PXDNL: variants seen among roughly 807,000 people sequenced by gnomAD.
PXDNL encodes probable oxidoreductase PXDNL.
PXDNL carries 145 observed loss-of-function variants against 150.8 expected under a neutral mutation model. That is an observed-to-expected ratio of 0.96 (90% confidence interval 0.84 to 1.10). The LOEUF (loss-of-function observed/expected upper bound fraction) is 1.10. Ranked by LOEUF, PXDNL falls within the 50% of genes least tolerant of loss-of-function variation. The probability of loss-of-function intolerance (pLI) is 0.00; values close to 1 mark genes in which losing one functional copy is unlikely to be tolerated. For synonymous variants in PXDNL, 757 were observed against 725.7 expected (o/e 1.04, Z -0.69); for missense variants, 2,087 against 1,873.9 (o/e 1.11, Z -2.10).
At chr8:51,801,216 T>A (rs2037616082) in intron 1 of PXDNL, among the ~76,000 whole-genome samples, 1 of 152,062 alleles carries the variant, frequency 6.6e-6, no homozygotes, top group Non-Finnish European at 1.5e-5. Flanking sequence ...AGGACTGAAA[T>A]ACGCCCTGGT....
chr8:51,331,264 G>GT (rs1293364997), intron 21 of PXDNL, among the ~76,000 whole-genome samples: 2 of 152,302 alleles, frequency 1.3e-5, no homozygotes, highest in East Asian at 3.9e-4. Flanking sequence ...CTGGAGCTGA[G>GT]TTGAGTTAGA....
intron 1 of PXDNL, among the ~76,000 whole-genome samples, chr8:51,682,584 C>A (rs1042966906): frequency 6.6e-6 from 1 of 152,170 alleles, no homozygotes; most frequent in African/African-American, 2.4e-5. Flanking sequence ...CAGCCTCATG[C>A]CACTTATTCT....
intron 1 of PXDNL, among the ~76,000 whole-genome samples, chr8:51,765,558 A>T (rs2037219292): frequency 6.6e-6 from 1 of 152,182 alleles, no homozygotes; most frequent in Non-Finnish European, 1.5e-5. Flanking sequence ...TCATTAATAC[A>T]ATATAGTTGG....
intron 17 of PXDNL, among the ~76,000 whole-genome samples, chr8:51,405,708 A>G (rs1808417703): frequency 6.6e-6 from 1 of 152,354 alleles, no homozygotes; most frequent in East Asian, 1.9e-4. Flanking sequence ...TATATGTTTC[A>G]TATTTTACAA....
chr8:51,326,610 A>C (rs1043232774), intron 21 of PXDNL, among the ~76,000 whole-genome samples: 2 of 152,254 alleles, frequency 1.3e-5, no homozygotes, highest in African/African-American at 4.8e-5. Flanking sequence ...TACTTAATTT[A>C]TTCAAACTAT....
chr8:51,356,031 T>C lies in PXDNL; in HGVS notation c.3902-10084A>G, dbSNP rs191228602. Among the ~76,000 whole-genome samples, 5 of 152,352 alleles carry C rather than the reference T, an allele frequency of 3.3e-5. 1 individual carries two copies. The highest frequency in any genetic ancestry group is 3.3e-4 in the Admixed American group (5 of 15,296). Reference sequence around the variant, plus strand: ...GTGGGGTGAGGAAAACAAATGGACTTGGCAATGGGGAGTCTGAGCTCTATC... The same window carrying C: ...GTGGGGTGAGGAAAACAAATGGACTCGGCAATGGGGAGTCTGAGCTCTATC... On this transcript the variant is annotated intron_variant, in intron 19 of 22. Coordinates refer to ENST00000356297, the MANE Select transcript of PXDNL (RefSeq NM_144651.5).
At chr8:51,676,629 T>A (rs1323302652) in intron 1 of PXDNL, among the ~76,000 whole-genome samples, 1 of 152,202 alleles carries the variant, frequency 6.6e-6, no homozygotes, top group African/African-American at 2.4e-5. Context: ...ACAGCCCCTG[T>A]GCCAGAACTG....
intron 4 of PXDNL, among the ~76,000 whole-genome samples, chr8:51,508,235 T>C (rs1389517878): frequency 6.6e-6 from 1 of 152,170 alleles, no homozygotes; most frequent in East Asian, 1.9e-4. Flanking sequence ...GGAAAGCTAG[T>C]GAGAGGTCTA....
intron 21 of PXDNL, among the ~76,000 whole-genome samples, chr8:51,338,596 C>T (rs1438572708): frequency 6.6e-6 from 1 of 152,228 alleles, no homozygotes; most frequent in African/African-American, 2.4e-5. Context: ...GCTTTCAAGG[C>T]TTTGATGCTA....
intron 4 of PXDNL, among the ~76,000 whole-genome samples, chr8:51,547,622 C>T (rs1812391707): frequency 6.6e-6 from 1 of 152,122 alleles, no homozygotes; most frequent in Admixed American, 6.5e-5. Context: ...TCTCAGAAAA[C>T]CCTATCCCTA....
intron 2 of PXDNL, among the ~76,000 whole-genome samples, chr8:51,650,891 A>C (rs990194932): frequency 6.6e-6 from 1 of 152,240 alleles, no homozygotes; most frequent in Non-Finnish European, 1.5e-5. Flanking sequence ...TTACAAAAAA[A>C]GCTACAGCTA....
chr8:51,501,950 C>T (rs936348436), intron 4 of PXDNL, among the ~76,000 whole-genome samples: 1 of 152,172 alleles, frequency 6.6e-6, no homozygotes, highest in Non-Finnish European at 1.5e-5. Flanking sequence ...TGAAATGTAT[C>T]GCATGGTTGG....
At chr8:51,552,458 C>T (rs940511834) in intron 4 of PXDNL, among the ~76,000 whole-genome samples, 18 of 151,964 alleles carry the variant, frequency 1.2e-4, no homozygotes, top group Admixed American at 9.8e-4. Context: ...AAGTGGAAAA[C>T]GAAAATGTGG....
intron 1 of PXDNL, among the ~76,000 whole-genome samples, chr8:51,673,857 C>T (rs1256350123): frequency 6.6e-6 from 1 of 152,140 alleles, no homozygotes; most frequent in East Asian, 1.9e-4. Flanking sequence ...ATAGGTTTTT[C>T]ATGTGGGCAT....
At chr8:51,683,900 G>T (rs549452234) in intron 1 of PXDNL, among the ~76,000 whole-genome samples, 9 of 152,282 alleles carry the variant, frequency 5.9e-5, no homozygotes, top group Non-Finnish European at 1.3e-4. Context: ...CGAATATATT[G>T]TTCTTACCTT....
intron 1 of PXDNL, among the ~76,000 whole-genome samples, chr8:51,776,562 A>G (rs4873602): frequency 0.14 from 21,181 of 152,088 alleles, 2,686 homozygotes; most frequent in African/African-American, 0.32. Flanking sequence ...TCTATCCTTG[A>G]CTAAACCTTA....
chr8:51,663,722 C>A (rs940839003), intron 1 of PXDNL, among the ~76,000 whole-genome samples: 2 of 152,078 alleles, frequency 1.3e-5, no homozygotes, highest in African/African-American at 4.8e-5. Context: ...CAGCAGGTGT[C>A]ACTAAAAGGT....
chr8:51,507,727 T>C (rs1811323199), intron 4 of PXDNL, among the ~76,000 whole-genome samples: 1 of 152,170 alleles, frequency 6.6e-6, no homozygotes, highest in African/African-American at 2.4e-5. Context: ...AGGGAATATC[T>C]GGCAATGTCT....
At chr8:51,613,194 C>T (rs560301289) in intron 2 of PXDNL, among the ~76,000 whole-genome samples, 4 of 151,764 alleles carry the variant, frequency 2.6e-5, no homozygotes, top group Non-Finnish European at 5.9e-5. Context: ...GATGCTGTCA[C>T]TGTTCACCAA....
Sources: allele counts gnomAD v4.1 joint callset (sites outside exome capture counted in the v4.1 genomes callset), GRCh38; gene constraint gnomAD v4.1.1; transcripts MANE v1.5; gene names NCBI Gene and HGNC (gene_info 2026-07-23, HGNC 2026-07-21).